ACBD7: variants seen among roughly 807,000 people sequenced by gnomAD.
ACBD7 encodes acyl-CoA binding domain containing 7, also known as acyl-CoA-binding domain-containing protein 7.
A neutral mutation model predicts 13.7 loss-of-function variants in ACBD7; 11 were observed. The observed-to-expected ratio is 0.80, with a 90% CI of 0.50 to 1.33. The LOEUF (loss-of-function observed/expected upper bound fraction) is 1.33, where lower values mean the gene tolerates loss of function less well. Ranked by LOEUF, ACBD7 falls within the 40% of genes most tolerant of loss-of-function variation. The probability of loss-of-function intolerance (pLI) is 0.00; values close to 1 mark genes in which losing one functional copy is unlikely to be tolerated. For missense variants in ACBD7, 111 were observed against 103.0 expected (o/e 1.08, Z -0.33); for synonymous variants, 43 against 37.7 (o/e 1.14, Z -0.51).
At position 15,087,013 on chromosome 10, in the gene ACBD7, C is replaced by CAAA. The variant is rs542190096; in HGVS notation, c.12+1701_12+1703dup. ...GGGCAACAAGAGTGAAACTCCATCT[C>CAAA]AAAAAAAAAAAAAAAAAATAGCCAG... On this transcript the variant is annotated intron_variant, in intron 1 of 3. Coordinates refer to ENST00000356189, the MANE Select transcript of ACBD7 (RefSeq NM_001039844.3). 1.4e-3 allele frequency among the ~76,000 whole-genome samples: 145 copies of CAAA among 107,352 alleles called. 2 individuals carry two copies. The highest frequency in any genetic ancestry group is 4.6e-3 in the East Asian group (16 of 3,496). The allele number at this position is 107,352 out of a possible 152,430, so 70.4% of individuals were successfully genotyped here. A position where few individuals can be genotyped will look rare whatever the true frequency, so the allele number is the denominator to read the frequency against.
intron 1 of ACBD7, among the ~76,000 whole-genome samples, chr10:15,082,823 G>C (rs911196462): frequency 6.6e-6 from 1 of 152,094 alleles, no homozygotes; most frequent in East Asian, 1.9e-4. Flanking sequence ...GCTCACTTAA[G>C]GTCAAGAGTT....
Position 15,077,323 on chromosome 10 carries a change from A to G in ACBD7, c.*1207T>C, listed in dbSNP as rs1844693516. 6.6e-6 allele frequency among the ~76,000 whole-genome samples: 1 copy of G among 152,138 alleles called. No individual in the cohort carries two copies. Among genetic ancestry groups the G allele is most frequent in the Non-Finnish European group, 1.5e-5 (1 of 68,030 alleles). On this transcript the variant is annotated 3_prime_UTR_variant, in exon 4 of 4. Transcript: ENST00000356189. ...GAACTGGAGGCTATTATCTTAAGTG[A>G]AACAACTCAGAAAAAAATAAGAAAA...
chr10:15,083,965 C>T (rs1844778685), intron 1 of ACBD7, among the ~76,000 whole-genome samples: 1 of 152,186 alleles, frequency 6.6e-6, no homozygotes, highest in South Asian at 2.1e-4. Context: ...GGGAGATGAA[C>T]AGGGCAACGG....
At chr10:15,082,758 T>A (rs1446888382) in intron 1 of ACBD7, among the ~76,000 whole-genome samples, 7 of 152,094 alleles carry the variant, frequency 4.6e-5, no homozygotes, top group Non-Finnish European at 1.0e-4. Context: ...ATATGAGGGC[T>A]GGGTGCAGTG....
rs1414715116 is a variant in ACBD7 at position 15,075,955 on chromosome 10, C to G, written c.*2575G>C. 2.8e-6 allele frequency: 1 copy of G among 359,474 alleles called. No individual in the cohort carries two copies. The highest frequency in any genetic ancestry group is 2.9e-5 in the African/African-American group (1 of 34,234). The allele number at this position is 359,474 out of a possible 1,614,324, so 22.3% of individuals were successfully genotyped here. A position where few individuals can be genotyped will look rare whatever the true frequency, so the allele number is the denominator to read the frequency against. ...TGCCACTGCGCTCCAGCCTGGGTAA[C>G]AGAGTGACAGCCTGTCTCAACAAAA... On this transcript the variant is annotated 3_prime_UTR_variant, in exon 4 of 4. Coordinates refer to ENST00000356189, the MANE Select transcript of ACBD7 (RefSeq NM_001039844.3).
intron 1 of ACBD7, among the ~76,000 whole-genome samples, chr10:15,079,435 C>T (rs1287980769): frequency 1.3e-5 from 2 of 149,638 alleles, no homozygotes; most frequent in Non-Finnish European, 3.0e-5. Context: ...CCACCACACT[C>T]GGCTAATTTT....
intron 1 of ACBD7, among the ~76,000 whole-genome samples, chr10:15,086,761 C>A (rs1844813723): frequency 6.6e-6 from 1 of 152,126 alleles, no homozygotes; most frequent in South Asian, 2.1e-4. Flanking sequence ...CACCTGTAAT[C>A]CAAGCACTTT....
intron 1 of ACBD7, 116 bp from the exon 2 acceptor site, chr10:15,079,156 T>C: frequency 1.9e-6 from 1 of 531,494 alleles, no homozygotes. Context: ...GCTCTGGTTC[T>C]ATCAGAATCA....
chr10:15,080,598 C>T (rs1033045308), intron 1 of ACBD7, among the ~76,000 whole-genome samples: 1 of 151,900 alleles, frequency 6.6e-6, no homozygotes, highest in Non-Finnish European at 1.5e-5. Flanking sequence ...AAACAAAAAA[C>T]CAAATGTACT....
chr10:15,085,796 A>G (rs940511631), intron 1 of ACBD7, among the ~76,000 whole-genome samples: 1 of 151,930 alleles, frequency 6.6e-6, no homozygotes, highest in Middle Eastern at 3.4e-3. Context: ...TAGAAATTCC[A>G]TTTGTTTTGC....
chr10:15,088,604 TC>T (rs138683743), intron 1 of ACBD7, 112 bp downstream of exon 1: 59,209 of 1,381,396 alleles, frequency 0.043, 1,545 homozygotes, highest in Middle Eastern at 0.062. Flanking sequence ...AGTGGGCGTG[TC>T]CCCCGGGTCA....
Position 15,088,699 on chromosome 10 carries a change from TC to T in ACBD7, c.12+17del, listed in dbSNP as rs771348751. On this transcript the variant is annotated intron_variant, in intron 1 of 3. Coordinates refer to ENST00000356189, the MANE Select transcript of ACBD7 (RefSeq NM_001039844.3). Reference sequence around the variant, plus strand: ...CGCGGAGCGCCCCTCCCGCGTGGCCTCCCCGCGCCCCGGGTACCTGCAGGGC... The same window carrying T: ...CGCGGAGCGCCCCTCCCGCGTGGCCTCCCGCGCCCCGGGTACCTGCAGGGC... The T allele has an allele frequency of 1.6e-5, 26 of 1,596,690 alleles. No individual in the cohort carries two copies. Among genetic ancestry groups the T allele is most frequent in the African/African-American group, 5.5e-5 (4 of 73,076 alleles).
chr10:15,084,196 C>T (rs1159485670), intron 1 of ACBD7, among the ~76,000 whole-genome samples: 2 of 151,712 alleles, frequency 1.3e-5, no homozygotes, highest in Non-Finnish European at 1.5e-5. Context: ...TGCATAAATA[C>T]TCACAAATCA....
rs1303358563 is a variant in ACBD7, at chr10:15,077,500, A to ATT, written c.*1028_*1029dup. 6.6e-6 allele frequency: 1 copy of ATT among 152,142 alleles called. No individual in the cohort carries two copies. The highest frequency in any genetic ancestry group is 1.5e-5 in the Non-Finnish European group (1 of 68,072). The allele number at this position is 152,142 out of a possible 1,614,324, so 9.4% of individuals were successfully genotyped here. A position where few individuals can be genotyped will look rare whatever the true frequency, so the allele number is the denominator to read the frequency against. On this transcript the variant is annotated 3_prime_UTR_variant, in exon 4 of 4. Coordinates refer to ENST00000356189, the MANE Select transcript of ACBD7 (RefSeq NM_001039844.3). ...GGTGGGAGGGGGTGAGGGATGAGCA[A>ATT]TTACCTTTTGGGTACAATGTACAGT...
rs894289044 is a variant in ACBD7 at position 15,075,994 on chromosome 10, A to G, written c.*2536T>C. ...GTCTCAACAAAAAAAAAAAAAAAAA[A>G]AAAGAAAAGAAAAAGAATGTTATAT... is the stretch of plus-strand genomic sequence containing the variant. On this transcript the variant is annotated 3_prime_UTR_variant, in exon 4 of 4. Transcript: ENST00000356189. 51 of 657,318 alleles carry G rather than the reference A, an allele frequency of 7.8e-5. No homozygotes were observed. Among genetic ancestry groups the G allele is most frequent in the South Asian group, 3.4e-4 (5 of 14,604 alleles). The allele number at this position is 657,318 out of a possible 1,614,324, so 40.7% of individuals were successfully genotyped here.
At chr10:15,083,940 C>A (rs886628508) in intron 1 of ACBD7, among the ~76,000 whole-genome samples, 1 of 152,236 alleles carries the variant, frequency 6.6e-6, no homozygotes, top group African/African-American at 2.4e-5. Flanking sequence ...TGCTTGAAGG[C>A]GCTCATAGCC....
Position 15,075,949 on chromosome 10 carries a change from G to C in ACBD7, c.*2581C>G, listed in dbSNP as rs568998569. The C allele has an allele frequency of 7.3e-5, 25 of 344,582 alleles. No homozygotes were observed. The highest frequency in any genetic ancestry group is 9.2e-5 in the Non-Finnish European group (23 of 250,818). 21.3% of individuals were successfully genotyped at this position (344,582 alleles called of 1,614,324 possible). On this transcript the variant is annotated 3_prime_UTR_variant, in exon 4 of 4. Coordinates refer to ENST00000356189, the MANE Select transcript of ACBD7 (RefSeq NM_001039844.3). Reference sequence around the variant, plus strand: ...AGAGCGTGCCACTGCGCTCCAGCCTGGGTAACAGAGTGACAGCCTGTCTCA... The same window carrying C: ...AGAGCGTGCCACTGCGCTCCAGCCTCGGTAACAGAGTGACAGCCTGTCTCA...
At chr10:15,086,372 T>C (rs1298498223) in intron 1 of ACBD7, among the ~76,000 whole-genome samples, 2 of 152,058 alleles carry the variant, frequency 1.3e-5, no homozygotes, top group Non-Finnish European at 2.9e-5. Context: ...GTAGATAATA[T>C]CATGGGTCGA....
chr10:15,082,235 G>A (rs529461847), intron 1 of ACBD7, among the ~76,000 whole-genome samples: 26 of 142,188 alleles, frequency 1.8e-4, no homozygotes, highest in South Asian at 6.5e-4. Context: ...GCAGTGAGCC[G>A]AGATCATGCC....
Sources: allele counts gnomAD v4.1 joint callset (sites outside exome capture counted in the v4.1 genomes callset), GRCh38; gene constraint gnomAD v4.1.1; transcripts MANE v1.5; gene names NCBI Gene and HGNC (gene_info 2026-07-23, HGNC 2026-07-21).